Variants in ADGRB3 observed in about 807,000 individuals in gnomAD.
ADGRB3 encodes the protein brain-specific angiogenesis inhibitor 3.
ADGRB3 carries 37 observed loss-of-function variants against 193.4 expected under a neutral mutation model. The ratio of observed to expected loss-of-function variants is 0.19; its 90% CI spans 0.15 to 0.25. The LOEUF (loss-of-function observed/expected upper bound fraction) is 0.25. Among genes scored for constraint, ADGRB3 ranks in the 10% least tolerant of loss-of-function variants. The probability of loss-of-function intolerance (pLI) is 1.00; values close to 1 mark genes in which losing one functional copy is unlikely to be tolerated. For synonymous variants in ADGRB3, 690 were observed against 644.2 expected, an observed-to-expected ratio of 1.07 and a Z score of -1.08; for missense variants, 1,637 against 1,852.9, an observed-to-expected ratio of 0.88 and a Z score of 2.14.
chr6:69,338,896 G>T lies in ADGRB3; in HGVS notation c.3189-20G>T. ...AATTCAATATTTTGTTCTTTTTGTG[G>T]GTGTTCTGTTTGTTTGCAGTCAGAT... On this transcript the variant is annotated intron_variant, in intron 24 of 31. Coordinates refer to ENST00000370598, the MANE Select transcript of ADGRB3 (RefSeq NM_001704.3). The T allele has an allele frequency of 6.2e-7, 1 of 1,601,188 alleles. No homozygotes were observed. The highest frequency in any genetic ancestry group is 8.5e-7 in the Non-Finnish European group (1 of 1,173,166).
At chr6:68,788,086 T>C (rs149176779) in intron 3 of ADGRB3, among the ~76,000 whole-genome samples, 3,507 of 152,306 alleles carry the variant, frequency 0.023, 69 homozygotes, top group South Asian at 0.076. Context: ...TCAATTTTGT[T>C]GATCTTTTCA....
In ADGRB3 at chr6:68,999,126, C is replaced by T. The variant is rs566116110; in HGVS notation, c.1929+5164C>T. On this transcript the variant is annotated intron_variant, in intron 11 of 31. Coordinates refer to ENST00000370598, the MANE Select transcript of ADGRB3 (RefSeq NM_001704.3). Reference sequence around the variant, plus strand: ...GCTTATATGTTTTGGAATGATAAGCCACAGTAATAATTTTATTTTGGAAAA... The same window carrying T: ...GCTTATATGTTTTGGAATGATAAGCTACAGTAATAATTTTATTTTGGAAAA... Among the ~76,000 whole-genome samples, 7 of 152,180 alleles carry T rather than the reference C, an allele frequency of 4.6e-5. No individual in the cohort carries two copies. The East Asian group carries it at 1.3e-3, about 29-fold the overall frequency.
At chr6:69,339,674 C>A (rs1768935079) in intron 26 of ADGRB3, among the ~76,000 whole-genome samples, 170 bp downstream of exon 26, 1 of 152,042 alleles carries the variant, frequency 6.6e-6, no homozygotes, top group Non-Finnish European at 1.5e-5. Flanking sequence ...TTGGGAGAGC[C>A]CCCAGCACTC....
chr6:69,303,035 C>A (rs1767980623), intron 20 of ADGRB3, among the ~76,000 whole-genome samples: 1 of 151,876 alleles, frequency 6.6e-6, no homozygotes, highest in Non-Finnish European at 1.5e-5. Context: ...CAGTGCCAGA[C>A]AATGAGGAAG....
chr6:69,293,988 G>A (rs1017539452), intron 20 of ADGRB3, among the ~76,000 whole-genome samples: 1 of 152,014 alleles, frequency 6.6e-6, no homozygotes, highest in African/African-American at 2.4e-5. Context: ...AATTTTGAGG[G>A]TCTGCCAAAA....
At chr6:68,892,515 T>C (rs1766106519) in intron 3 of ADGRB3, among the ~76,000 whole-genome samples, 4 of 152,310 alleles carry the variant, frequency 2.6e-5, no homozygotes, top group Admixed American at 2.6e-4. Context: ...ACACTCAATT[T>C]ATTTCCTTTA....
At chr6:69,112,026 T>G (rs1326266365) in intron 17 of ADGRB3, among the ~76,000 whole-genome samples, 1 of 152,250 alleles carries the variant, frequency 6.6e-6, no homozygotes, top group African/African-American at 2.4e-5. Flanking sequence ...AGATAGGCTC[T>G]GTGATATTTA....
chr6:68,702,772 G>A (rs971078782), intron 3 of ADGRB3, among the ~76,000 whole-genome samples: 1 of 151,990 alleles, frequency 6.6e-6, no homozygotes. Flanking sequence ...AAAATCTTAC[G>A]GTAATATTTT....
intron 17 of ADGRB3, among the ~76,000 whole-genome samples, chr6:69,102,924 G>A (rs557515203): frequency 9.8e-4 from 149 of 152,202 alleles, no homozygotes; most frequent in African/African-American, 3.5e-3. Context: ...TGTAAGAATA[G>A]ACAACCATAG....
At chr6:68,850,982 A>T (rs1218608002) in intron 3 of ADGRB3, among the ~76,000 whole-genome samples, 1 of 151,964 alleles carries the variant, frequency 6.6e-6, no homozygotes, top group African/African-American at 2.4e-5. Flanking sequence ...TTACATTCTC[A>T]ATGTGTTATT....
At chr6:68,951,967 A>G (rs1767932604) in intron 6 of ADGRB3, among the ~76,000 whole-genome samples, 1 of 152,188 alleles carries the variant, frequency 6.6e-6, no homozygotes, top group South Asian at 2.1e-4. Context: ...CTGTTCCTTC[A>G]CATCTTGGAG....
intron 3 of ADGRB3, among the ~76,000 whole-genome samples, chr6:68,825,991 T>C (rs886445645): frequency 8.2e-5 from 8 of 97,134 alleles, no homozygotes; most frequent in African/African-American, 3.2e-4. Flanking sequence ...TTCCTCCCCA[T>C]TTTTTTTTTT....
intron 13 of ADGRB3, among the ~76,000 whole-genome samples, chr6:69,029,129 T>C (rs529223934): frequency 6.6e-6 from 1 of 152,198 alleles, no homozygotes; most frequent in Non-Finnish European, 1.5e-5. Context: ...CTACTTCTGT[T>C]ATATAATGAA....
chr6:68,659,146 CTAAAA>C (rs879405967), intron 3 of ADGRB3, among the ~76,000 whole-genome samples: 3 of 150,952 alleles, frequency 2.0e-5, no homozygotes, highest in Non-Finnish European at 3.0e-5. Context: ...TCCATTCTAA[CTAAAA>C]TAATTTTTTT....
chr6:69,181,192 T>C (rs981948761), intron 17 of ADGRB3, among the ~76,000 whole-genome samples: 2 of 152,136 alleles, frequency 1.3e-5, no homozygotes, highest in Admixed American at 1.3e-4. Flanking sequence ...TCTGGTGAAT[T>C]CCAATTTTCC....
At chr6:69,023,659 A>G (rs559496243) in intron 13 of ADGRB3, among the ~76,000 whole-genome samples, 40 of 152,290 alleles carry the variant, frequency 2.6e-4, no homozygotes, top group African/African-American at 9.4e-4. Flanking sequence ...TTTACCTGAC[A>G]AGAGTTGTGC....
At chr6:69,255,397 A>G (rs1327564494) in intron 20 of ADGRB3, among the ~76,000 whole-genome samples, 2 of 152,128 alleles carry the variant, frequency 1.3e-5, no homozygotes, top group Non-Finnish European at 2.9e-5. Context: ...AATGACTGCC[A>G]TTCTAACTGG....
intron 13 of ADGRB3, 57 bp downstream of exon 13, chr6:69,018,556 T>A: frequency 8.9e-7 from 1 of 1,119,654 alleles, no homozygotes; most frequent in Admixed American, 1.9e-5. Context: ...ATTGCAAGTA[T>A]CTACACCATA....
At chr6:68,839,260 A>G (rs928072124) in intron 3 of ADGRB3, among the ~76,000 whole-genome samples, 1 of 152,182 alleles carries the variant, frequency 6.6e-6, no homozygotes, top group Non-Finnish European at 1.5e-5. Flanking sequence ...GCTTCTCACA[A>G]AATCAGGTAA....
Sources: allele counts gnomAD v4.1 joint callset (sites outside exome capture counted in the v4.1 genomes callset), GRCh38; gene constraint gnomAD v4.1.1; transcripts MANE v1.5; gene names NCBI Gene and HGNC (gene_info 2026-07-23, HGNC 2026-07-21).